The following PARVA variants were observed in gnomAD, a reference collection of about 807,000 sequenced individuals.
PARVA encodes the protein alpha-parvin.
PARVA carries 25 observed loss-of-function variants against 52.6 expected under a neutral mutation model. The observed-to-expected ratio is 0.48, with a 90% CI of 0.35 to 0.66. The LOEUF is 0.66. PARVA is among the 30% of genes least tolerant of loss of function. The probability of loss-of-function intolerance (pLI) is 0.01; values close to 1 mark genes in which losing one functional copy is unlikely to be tolerated. For missense variants in PARVA, 373 were observed against 450.9 expected (o/e 0.83, Z 1.56); for synonymous variants, 185 against 179.1 (o/e 1.03, Z -0.26).
At chr11:12,443,627 A>T (rs1489260940) in intron 1 of PARVA, among the ~76,000 whole-genome samples, 2 of 152,120 alleles carry the variant, frequency 1.3e-5, no homozygotes, top group Non-Finnish European at 2.9e-5. Context: ...ATATTCATTC[A>T]TGCTTTTATT....
chr11:12,477,823 C>T, intron 3 of PARVA, 24 bp from the exon 4 acceptor site: 1 of 1,233,544 alleles, frequency 8.1e-7, no homozygotes, highest in Non-Finnish European at 1.2e-6. Context: ...TACTATTGCA[C>T]ATTCCCTTTC....
Position 12,510,657 on chromosome 11 carries a change from C to T in PARVA, c.717-857C>T, listed in dbSNP as rs576469990. Among the ~76,000 whole-genome samples the T allele has an allele frequency of 6.1e-4, 93 of 152,270 alleles. 1 individual carries two copies. Among genetic ancestry groups the T allele is most frequent in the Non-Finnish European group, 6.3e-4 (43 of 68,032 alleles). On this transcript the variant is annotated intron_variant, in intron 7 of 12. Transcript: ENST00000334956. The stretch of plus-strand genomic sequence containing the variant: ...TCATGGCAGGAGGCAAAAGGCTCTT[C>T]TTACATGGTGGTGGCAGAGAAAATG...
intron 12 of PARVA, among the ~76,000 whole-genome samples, chr11:12,518,902 G>A (rs894103906): frequency 6.6e-6 from 1 of 152,186 alleles, no homozygotes; most frequent in African/African-American, 2.4e-5. Context: ...GAGCAAAACT[G>A]CTTCTCTCCT....
chr11:12,439,704 C>T (rs899547345), intron 1 of PARVA, among the ~76,000 whole-genome samples: 2 of 152,192 alleles, frequency 1.3e-5, no homozygotes, highest in African/African-American at 4.8e-5. Context: ...GCTCCTCCCA[C>T]CCCACTTCCT....
intron 1 of PARVA, among the ~76,000 whole-genome samples, chr11:12,441,014 C>G (rs1940459161): frequency 6.6e-6 from 1 of 152,188 alleles, no homozygotes; most frequent in South Asian, 2.1e-4. Context: ...CATTCACAGT[C>G]CCAGGATTGG....
intron 1 of PARVA, among the ~76,000 whole-genome samples, chr11:12,412,710 A>C (rs1940007565): frequency 6.6e-6 from 1 of 151,902 alleles, no homozygotes; most frequent in South Asian, 2.1e-4. Flanking sequence ...AAGGGACAAA[A>C]GATCCTGAGA....
At chr11:12,391,663 A>G (rs917747195) in intron 1 of PARVA, among the ~76,000 whole-genome samples, 1 of 152,188 alleles carries the variant, frequency 6.6e-6, no homozygotes, top group Non-Finnish European at 1.5e-5. Flanking sequence ...ATGACCTCTC[A>G]TCTTCACTTC....
chr11:12,473,686 G>A (rs555586727), intron 1 of PARVA, 59 bp from the exon 2 acceptor site: 1 of 1,292,220 alleles, frequency 7.7e-7, no homozygotes, highest in Non-Finnish European at 1.1e-6. Context: ...TTGTTACAGA[G>A]CTCCAACCCC....
Position 12,478,924 on chromosome 11 carries a change from G to A in PARVA, c.400+975G>A, listed in dbSNP as rs1278333796. ...TAGTGCCTCTCTCCTGCTGGACAAA[G>A]TCCAAACCCCTTGGCACAACATTCA... On this transcript the variant is annotated intron_variant, in intron 4 of 12. Transcript: ENST00000334956. 2.0e-5 allele frequency: 3 copies of A among 152,188 alleles called. No homozygotes were observed. The East Asian group carries it at 5.8e-4, about 29-fold the overall frequency. 9.4% of individuals were successfully genotyped at this position (152,188 alleles called of 1,614,324 possible).
At chr11:12,409,842 C>T (rs1939969551) in intron 1 of PARVA, among the ~76,000 whole-genome samples, 1 of 152,224 alleles carries the variant, frequency 6.6e-6, no homozygotes, top group Non-Finnish European at 1.5e-5. Context: ...GAAGTTTTTG[C>T]ACCAAACATT....
At chr11:12,487,348 C>T (rs1727866591) in intron 4 of PARVA, among the ~76,000 whole-genome samples, 3 of 152,186 alleles carry the variant, frequency 2.0e-5, no homozygotes, top group African/African-American at 7.2e-5. Flanking sequence ...ATCTTGGTTT[C>T]ACCACTAAAA....
At chr11:12,518,303 A>G (rs1412134183) in intron 11 of PARVA, 142 bp from the exon 12 acceptor site, 2 of 661,556 alleles carry the variant, frequency 3.0e-6, no homozygotes, top group South Asian at 1.9e-5. Flanking sequence ...TGGCCTGCCC[A>G]TTTTGGTAGC....
intron 12 of PARVA, among the ~76,000 whole-genome samples, chr11:12,522,871 G>A (rs2135088813): frequency 6.6e-6 from 1 of 152,034 alleles, no homozygotes; most frequent in South Asian, 2.1e-4. Context: ...TGAAGCTACT[G>A]TTCAAGGGCA....
intron 1 of PARVA, among the ~76,000 whole-genome samples, chr11:12,398,561 C>G (rs1449184525): frequency 6.7e-6 from 1 of 150,186 alleles, no homozygotes; most frequent in African/African-American, 2.4e-5. Flanking sequence ...AGTCTAGCCT[C>G]TAGGGACCCC....
intron 1 of PARVA, among the ~76,000 whole-genome samples, chr11:12,410,738 CCTT>C (rs1385969023): frequency 6.6e-6 from 1 of 152,184 alleles, no homozygotes; most frequent in Non-Finnish European, 1.5e-5. Flanking sequence ...ACTGAGGATC[CCTT>C]CTTCTCCCCA....
chr11:12,377,817 G>C, intron 1 of PARVA, 34 bp downstream of exon 1: 2 of 1,455,678 alleles, frequency 1.4e-6, no homozygotes, highest in South Asian at 1.4e-5. Flanking sequence ...GCGGGCGGTA[G>C]GAGCCGGGGG....
At chr11:12,399,679 T>G (rs544351737) in intron 1 of PARVA, among the ~76,000 whole-genome samples, 1 of 152,248 alleles carries the variant, frequency 6.6e-6, no homozygotes, top group African/African-American at 2.4e-5. Context: ...TGTGTGTATT[T>G]TGTTGTTTTT....
At chr11:12,477,772 A>T (rs961339404) in intron 3 of PARVA, 75 bp from the exon 4 acceptor site, 2 of 796,570 alleles carry the variant, frequency 2.5e-6, no homozygotes, top group Non-Finnish European at 4.4e-6. Flanking sequence ...GTTTAGGATA[A>T]GAAAGCTGGT....
At chr11:12,504,630 G>A (rs144164843) in intron 6 of PARVA, among the ~76,000 whole-genome samples, 3 of 152,160 alleles carry the variant, frequency 2.0e-5, no homozygotes, top group Admixed American at 1.3e-4. Context: ...ATGGAAGAGC[G>A]TGTGCTTGTG....
Sources: allele counts gnomAD v4.1 joint callset (sites outside exome capture counted in the v4.1 genomes callset), GRCh38; gene constraint gnomAD v4.1.1; transcripts MANE v1.5; gene names NCBI Gene and HGNC (gene_info 2026-07-23, HGNC 2026-07-21).